The following PRIM2 variants were observed in gnomAD, a reference collection of about 807,000 sequenced individuals.
PRIM2 encodes DNA primase subunit 2.
PRIM2 carries 39 observed loss-of-function variants against 67.3 expected under a neutral mutation model. The observed-to-expected ratio is 0.58, with a 90% confidence interval of 0.45 to 0.76. The LOEUF is 0.76. Ranked by LOEUF, PRIM2 falls within the 30% of genes least tolerant of loss-of-function variation. The pLI, the probability that PRIM2 is intolerant of heterozygous loss-of-function variation, is 0.00. For synonymous variants in PRIM2, 143 were observed against 198.7 expected (o/e 0.72, Z 2.36); for missense variants, 398 against 598.7 (o/e 0.66, Z 3.50).
chr6:57,272,284 G>T, the PRIM2 span, among the ~76,000 whole-genome samples: 2 of 152,086 alleles, frequency 1.3e-5, no homozygotes, highest in African/African-American at 4.8e-5. Context: ...GGTCACTAAG[G>T]ACTTGCTTTA....
intron 10 of PRIM2, among the ~76,000 whole-genome samples, chr6:57,561,486 G>A (rs1186670294): frequency 2.0e-4 from 31 of 152,298 alleles, no homozygotes; most frequent in Admixed American, 1.6e-3. Context: ...GTCCTCCTCG[G>A]CCTCCCAAAG....
intron 7 of PRIM2, among the ~76,000 whole-genome samples, chr6:57,400,194 T>G (rs1770658719): frequency 6.6e-6 from 1 of 152,282 alleles, no homozygotes; most frequent in African/African-American, 2.4e-5. Flanking sequence ...TGCTTTATAT[T>G]GTCACTGATC....
intron 10 of PRIM2, among the ~76,000 whole-genome samples, chr6:57,599,615 A>G (rs1776425328): frequency 6.6e-6 from 1 of 152,118 alleles, no homozygotes; most frequent in Non-Finnish European, 1.5e-5. Context: ...TTAATCACGC[A>G]TTCACATAGG....
intron 7 of PRIM2, among the ~76,000 whole-genome samples, chr6:57,481,693 C>T (rs1773633089): frequency 1.3e-5 from 2 of 151,980 alleles, no homozygotes; most frequent in African/African-American, 4.8e-5. Context: ...TCCAGAGTGA[C>T]TATACTATTT....
chr6:57,611,645 A>G, intron 12 of PRIM2, among the ~76,000 whole-genome samples: 1 of 152,286 alleles, frequency 6.6e-6, no homozygotes, highest in South Asian at 2.1e-4. Flanking sequence ...TTATTTAAAA[A>G]TGGATTATAG....
intron 9 of PRIM2, among the ~76,000 whole-genome samples, chr6:57,532,724 T>G (rs1322887069): frequency 7.2e-5 from 11 of 152,224 alleles, no homozygotes; most frequent in Admixed American, 6.5e-5. Context: ...AAACAGGAAT[T>G]CTTTTAAATA....
chr6:57,604,857 A>AT (rs1247232583), intron 11 of PRIM2, among the ~76,000 whole-genome samples: 1 of 151,610 alleles, frequency 6.6e-6, no homozygotes, highest in Non-Finnish European at 1.5e-5. Context: ...TGCCCAGCTA[A>AT]TTTTTTGTAT....
chr6:57,624,985 C>T (rs1477286297), intron 12 of PRIM2, among the ~76,000 whole-genome samples: 1 of 152,156 alleles, frequency 6.6e-6, no homozygotes, highest in Non-Finnish European at 1.5e-5. Context: ...GTTTCCCCTA[C>T]AAAACCATCA....
chr6:57,405,962 T>C (rs1770875643), intron 7 of PRIM2, among the ~76,000 whole-genome samples: 1 of 152,202 alleles, frequency 6.6e-6, no homozygotes, highest in East Asian at 1.9e-4. Flanking sequence ...CAGTTCAGAG[T>C]AAGCAGGGAG....
At chr6:57,432,358 G>A (rs1227959001) in intron 7 of PRIM2, among the ~76,000 whole-genome samples, 1 of 151,500 alleles carries the variant, frequency 6.6e-6, no homozygotes, top group Non-Finnish European at 1.5e-5. Context: ...ATTTTTCTTC[G>A]AAGTCAGAAG....
At chr6:57,433,562 C>T (rs577735842) in intron 7 of PRIM2, among the ~76,000 whole-genome samples, 91 of 152,150 alleles carry the variant, frequency 6.0e-4, no homozygotes, top group Admixed American at 1.7e-3. Context: ...GCAATTTGTT[C>T]CCTTGAGTAT....
At chr6:57,601,320 C>T in intron 11 of PRIM2, 101 bp downstream of exon 11, 1 of 1,300,760 alleles carries the variant, frequency 7.7e-7, no homozygotes, top group South Asian at 1.6e-5. Context: ...CTGTCAGGAC[C>T]TAGTTTGTAT....
At chr6:57,236,643 C>T in the PRIM2 span, among the ~76,000 whole-genome samples, 2 of 152,046 alleles carry the variant, frequency 1.3e-5, no homozygotes, top group Admixed American at 6.6e-5. Flanking sequence ...TCAATTCCCA[C>T]CTATGAGTGA....
intron 7 of PRIM2, among the ~76,000 whole-genome samples, chr6:57,438,516 C>G (rs1322661005): frequency 6.6e-6 from 1 of 151,940 alleles, no homozygotes; most frequent in Non-Finnish European, 1.5e-5. Flanking sequence ...GAAATCATCT[C>G]AAATCTGAAT....
intron 5 of PRIM2, among the ~76,000 whole-genome samples, chr6:57,349,958 T>C (rs1361954215): frequency 2.6e-5 from 4 of 152,192 alleles, no homozygotes; most frequent in Non-Finnish European, 4.4e-5. Context: ...AAGAACTTAT[T>C]AGCAAAGCAG....
intron 5 of PRIM2, among the ~76,000 whole-genome samples, chr6:57,370,575 G>C (rs1769513445): frequency 6.6e-6 from 1 of 152,004 alleles, no homozygotes; most frequent in African/African-American, 2.4e-5. Context: ...TTTACTCATA[G>C]GCCATGAAAC....
At chr6:57,270,560 A>C in the PRIM2 span, among the ~76,000 whole-genome samples, 1 of 151,926 alleles carries the variant, frequency 6.6e-6, no homozygotes, top group South Asian at 2.1e-4. Flanking sequence ...ATATACAATC[A>C]TGTCATCTGC....
At chr6:57,298,514 T>C in the PRIM2 span, among the ~76,000 whole-genome samples, 1 of 151,964 alleles carries the variant, frequency 6.6e-6, no homozygotes, top group Non-Finnish European at 1.5e-5. Flanking sequence ...GGTGGGGCCT[T>C]CGGGGGATGG....
At chr6:57,638,150 A>C (rs1389164911) in intron 13 of PRIM2, among the ~76,000 whole-genome samples, 1 of 152,208 alleles carries the variant, frequency 6.6e-6, no homozygotes, top group Admixed American at 6.5e-5. Context: ...CAGCCAAACT[A>C]ACCTTCATAA....
Sources: gnomAD v4.1 joint callset for allele counts (sites outside exome capture counted in the v4.1 genomes callset) on GRCh38, gnomAD v4.1.1 for gene constraint, MANE v1.5 for transcripts, NCBI Gene and HGNC (gene_info 2026-07-23, HGNC 2026-07-21) for gene names.